Variants in ZC3H12D observed in about 807,000 individuals in gnomAD.
ZC3H12D encodes the protein probable ribonuclease ZC3H12D.
In ZC3H12D, 11 loss-of-function variants were observed where a neutral mutation model predicts 24.2. The observed-to-expected ratio is 0.46, with a 90% CI of 0.29 to 0.75. ZC3H12D has a LOEUF of 0.75. ZC3H12D is among the 30% of genes least tolerant of loss of function. ZC3H12D has a pLI of 0.11. For missense variants in ZC3H12D, 740 were observed against 767.7 expected (o/e 0.96, Z 0.43); for synonymous variants, 333 against 341.8 (o/e 0.97, Z 0.28).
At position 149,450,265 on chromosome 6, in the gene ZC3H12D, AG is replaced by A. The variant is rs946783491; in HGVS notation, c.*417del. On this transcript the variant is annotated 3_prime_UTR_variant, in exon 6 of 6. Coordinates refer to ENST00000409806, the MANE Select transcript of ZC3H12D (RefSeq NM_207360.3). ...ATTGAGGTTAGTTACATGGCTGCCA[AG>A]GGGGTGGGGACACAGGATAGGTAAC... 8.6e-5 allele frequency: 15 copies of A among 173,874 alleles called. No individual in the cohort carries two copies. The highest frequency in any genetic ancestry group is 3.1e-4 in the African/African-American group (13 of 42,346). 10.8% of individuals were successfully genotyped at this position (173,874 alleles called of 1,614,324 possible).
intron 2 of ZC3H12D, among the ~76,000 whole-genome samples, chr6:149,462,711 G>A (rs1776093059): frequency 6.6e-6 from 1 of 152,248 alleles, no homozygotes; most frequent in South Asian, 2.1e-4. Context: ...AAAACAGGCA[G>A]AAGAAAGTAG....
At chr6:149,478,701 T>C (rs1776379799) in intron 1 of ZC3H12D, among the ~76,000 whole-genome samples, 1 of 152,074 alleles carries the variant, frequency 6.6e-6, no homozygotes, top group South Asian at 2.1e-4. Context: ...GCCCTCCTTC[T>C]CCCAGGGCCC....
chr6:149,458,710 T>TA (rs1156931441), intron 3 of ZC3H12D, among the ~76,000 whole-genome samples: 1 of 152,198 alleles, frequency 6.6e-6, no homozygotes, highest in Non-Finnish European at 1.5e-5. Context: ...GATGCCAAGT[T>TA]ACATACCCAA....
At chr6:149,474,094 T>G in intron 2 of ZC3H12D, 145 bp downstream of exon 2, 1 of 602,182 alleles carries the variant, frequency 1.7e-6, no homozygotes, top group Non-Finnish European at 2.6e-6. Context: ...TGCCACACAG[T>G]TACTAAGAGA....
At position 149,477,480 on chromosome 6, in the gene ZC3H12D, A is replaced by T. The variant is rs546827672; in HGVS notation, c.-70-2867T>A. Among the ~76,000 whole-genome samples the T allele has an allele frequency of 1.1e-4, 16 of 152,180 alleles. No individual in the cohort carries two copies. The South Asian group carries it at 2.3e-3, about 22-fold the overall frequency. On this transcript the variant is annotated intron_variant, in intron 1 of 5. Coordinates refer to ENST00000409806, the MANE Select transcript of ZC3H12D (RefSeq NM_207360.3). ...TCTGCCGCTTTTGAAACTGGGAACC[A>T]CTCCTTGACTTGTTATTTTAAATTA... is the stretch of plus-strand genomic sequence containing the variant.
rs1051292976 is a variant in ZC3H12D, at chr6:149,456,522, G to A, written c.680+144C>T. The A allele has an allele frequency of 2.6e-5, 18 of 694,116 alleles. No individual in the cohort carries two copies. The highest frequency in any genetic ancestry group is 1.1e-4 in the Admixed American group (4 of 36,660). 43.0% of individuals were successfully genotyped at this position (694,116 alleles called of 1,614,324 possible). On this transcript the variant is annotated intron_variant, in intron 4 of 5. Coordinates refer to ENST00000409806, the MANE Select transcript of ZC3H12D (RefSeq NM_207360.3). The surrounding 1 kb of genome is among the most constrained non-coding windows in gnomAD (Gnocchi z 4.3). ...TATTGGGGACGTGCCCGCCGAGAAT[G>A]CGGACCTGGGGGAGCTCTGTCTGAG...
At chr6:149,454,001 C>T (rs756876014) in intron 4 of ZC3H12D, among the ~76,000 whole-genome samples, 77 of 152,342 alleles carry the variant, frequency 5.1e-4, no homozygotes, top group Non-Finnish European at 7.2e-4. Flanking sequence ...AACCTCCAGG[C>T]GAAGAGATTC....
Position 149,451,266 on chromosome 6 carries a change from C to A in ZC3H12D, c.1001G>T (p.Arg334Leu). The change falls in exon 6 of 6, where the codon CGG becomes CTG. Residue 334 changes from arginine (R) to leucine (L), a missense_variant. Transcript: ENST00000409806. ...CAGGGCGGCCAGGTCCGGGGACCCC[C>A]GCGCCGGCGGGAGGCTGTGCGCAAA... ...EPFAHSLPPARGSPDLAALRG... is the reference protein window; with the variant it reads ...EPFAHSLPPALGSPDLAALRG... 7.7e-7 allele frequency: 1 copy of A among 1,299,404 alleles called. No individual in the cohort carries two copies. The highest frequency in any genetic ancestry group is 9.7e-7 in the Non-Finnish European group (1 of 1,030,470). 80.5% of individuals were successfully genotyped at this position (1,299,404 alleles called of 1,614,324 possible).
At chr6:149,481,258 A>G (rs1368541137) in intron 1 of ZC3H12D, among the ~76,000 whole-genome samples, 1 of 151,780 alleles carries the variant, frequency 6.6e-6, no homozygotes, top group African/African-American at 2.4e-5. Flanking sequence ...AAAAAGAAAG[A>G]AAGGAAGAGG....
rs778921114 is a variant in ZC3H12D at position 149,450,728 on chromosome 6, CAGG to C, written c.1536_1538del (p.Leu513del). On this transcript the variant is annotated inframe_deletion, in exon 6 of 6. Transcript: ENST00000409806. ...CCCCCGCGCTCTGGCATCTCTGTAC[CAGG>C]AGGATGAGCCTGGCGAGGTCTGAGA... 5.2e-6 allele frequency: 8 copies of C among 1,547,966 alleles called. 1 individual carries two copies. The South Asian group carries it at 9.5e-5, about 18-fold the overall frequency.
Position 149,456,623 on chromosome 6 carries a change from G to GGGGTGGGC in ZC3H12D, c.680+42_680+43insGCCCACCC. 1.3e-6 allele frequency: 1 copy of GGGGTGGGC among 744,590 alleles called. No individual in the cohort carries two copies. The highest frequency in any genetic ancestry group is 2.2e-6 in the Non-Finnish European group (1 of 456,108). The allele number at this position is 744,590 out of a possible 1,614,324, so 46.1% of individuals were successfully genotyped here. On this transcript the variant is annotated intron_variant, in intron 4 of 5. Transcript: ENST00000409806. This position sits in a 1 kb window ranked among gnomAD's most constrained non-coding sequence, Gnocchi z 4.3. The stretch of plus-strand genomic sequence containing the variant: ...GCCACTGCCTCGACCCCGGCCCCCC[G>GGGGTGGGC]CCCCGCCGCCCCCCAGGGTGTCAGG...
intron 4 of ZC3H12D, among the ~76,000 whole-genome samples, chr6:149,453,040 T>A (rs1363061561): frequency 6.6e-6 from 1 of 151,498 alleles, no homozygotes; most frequent in Non-Finnish European, 1.5e-5. Context: ...ATCCCAACAC[T>A]TTGGGAAGCT....
At chr6:149,457,489 A>G (rs1226799311) in intron 3 of ZC3H12D, among the ~76,000 whole-genome samples, 6 of 152,186 alleles carry the variant, frequency 3.9e-5, no homozygotes, top group Admixed American at 3.3e-4. Flanking sequence ...CAGGACTAGG[A>G]ATCCAGCCTG....
In ZC3H12D at chr6:149,452,823, C is replaced by A. The variant is rs777087123; in HGVS notation, c.681-101G>T. On this transcript the variant is annotated intron_variant, in intron 4 of 5. Coordinates refer to ENST00000409806, the MANE Select transcript of ZC3H12D (RefSeq NM_207360.3). The surrounding 1 kb of genome is among the most constrained non-coding windows in gnomAD (Gnocchi z 4.0). ...CAAGTTCCCCAAGAACACCAGGAAG[C>A]ATTCGGCCCCGGGCCCACCATCACC... 7 of 1,065,006 alleles carry A rather than the reference C, an allele frequency of 6.6e-6. No homozygotes were observed. The highest frequency in any genetic ancestry group is 8.3e-6 in the Non-Finnish European group (6 of 726,010). The allele number at this position is 1,065,006 out of a possible 1,614,324, so 66.0% of individuals were successfully genotyped here.
intron 3 of ZC3H12D, among the ~76,000 whole-genome samples, chr6:149,458,235 AGGTG>A (rs1179801046): frequency 2.1e-5 from 3 of 142,820 alleles, no homozygotes; most frequent in Non-Finnish European, 4.5e-5. Flanking sequence ...CTCAAGGCTC[AGGTG>A]ATCCTCTTAC....
intron 1 of ZC3H12D, among the ~76,000 whole-genome samples, chr6:149,484,406 T>G (rs1776469392): frequency 6.6e-6 from 1 of 152,206 alleles, no homozygotes; most frequent in Non-Finnish European, 1.5e-5. Context: ...CTCATGAGCA[T>G]GGTGACAGGG....
rs1775837136 is a variant in ZC3H12D, at chr6:149,449,249, C to T, written c.*1434G>A. 1 of 152,182 alleles carries T rather than the reference C, an allele frequency of 6.6e-6. No homozygotes were observed. The highest frequency in any genetic ancestry group is 2.4e-5 in the African/African-American group (1 of 41,452). 9.4% of individuals were successfully genotyped at this position (152,182 alleles called of 1,614,324 possible). ...CTCATGTCAGTTTTCTCCTAACCCA[C>T]CTGTAGATTTGAGAGCAAAAGTCCT... On this transcript the variant is annotated 3_prime_UTR_variant, in exon 6 of 6. Coordinates refer to ENST00000409806, the MANE Select transcript of ZC3H12D (RefSeq NM_207360.3).
intron 3 of ZC3H12D, among the ~76,000 whole-genome samples, chr6:149,458,111 CTT>C (rs57317596): frequency 3.9e-4 from 31 of 80,254 alleles, no homozygotes; most frequent in South Asian, 1.8e-3. Context: ...CTTTCTTTTT[CTT>C]TTTTTTTTTC....
chr6:149,483,053 C>G (rs747950835), intron 1 of ZC3H12D: 1 of 153,826 alleles, frequency 6.5e-6, no homozygotes, highest in Non-Finnish European at 1.4e-5. Context: ...CGGGTCACCT[C>G]TGCCAGCTCC....
Sources: allele counts gnomAD v4.1 joint callset (sites outside exome capture counted in the v4.1 genomes callset), GRCh38; gene constraint gnomAD v4.1.1; non-coding constraint Gnocchi (gnomAD v3.1); transcripts MANE v1.5; gene names NCBI Gene and HGNC (gene_info 2026-07-23, HGNC 2026-07-21).